Variants in FUT8 observed in about 807,000 individuals in gnomAD.
The protein encoded by FUT8 is fucosyltransferase 8.
A neutral mutation model predicts 71.3 loss-of-function variants in FUT8; 29 were observed. That is an observed-to-expected ratio of 0.41 (90% CI 0.30 to 0.55). The LOEUF (loss-of-function observed/expected upper bound fraction) is 0.55. Ranked by LOEUF, FUT8 falls within the 20% of genes least tolerant of loss-of-function variation. FUT8 has a pLI of 0.34. For synonymous variants in FUT8, 254 were observed against 239.3 expected (o/e 1.06, Z -0.57); for missense variants, 544 against 702.1 (o/e 0.77, Z 2.55).
At chr14:65,515,392 C>A (rs1422511142) in intron 2 of FUT8, among the ~76,000 whole-genome samples, 1 of 151,530 alleles carries the variant, frequency 6.6e-6, no homozygotes, top group African/African-American at 2.4e-5. Context: ...TGAAATAGCA[C>A]CTCTAGAAGG....
intron 6 of FUT8, among the ~76,000 whole-genome samples, chr14:65,631,431 T>G (rs1490337303): frequency 6.6e-6 from 1 of 152,164 alleles, no homozygotes; most frequent in Non-Finnish European, 1.5e-5. Context: ...AGTACTAATT[T>G]GATCCTCTAT....
intron 2 of FUT8, among the ~76,000 whole-genome samples, chr14:65,525,480 G>A (rs1040803973): frequency 6.6e-6 from 1 of 152,044 alleles, no homozygotes; most frequent in Admixed American, 6.6e-5. Context: ...CTTGCTAGTG[G>A]TCTATCAATT....
At chr14:65,544,483 TATATAC>T (rs1344942446) in intron 2 of FUT8, among the ~76,000 whole-genome samples, 1 of 152,142 alleles carries the variant, frequency 6.6e-6, no homozygotes, top group East Asian at 1.9e-4. Flanking sequence ...AATGGTGATA[TATATAC>T]ACATTTCATT....
At chr14:65,388,540 T>C in the FUT8 span, among the ~76,000 whole-genome samples, 1 of 152,124 alleles carries the variant, frequency 6.6e-6, no homozygotes, top group African/African-American at 2.4e-5. Context: ...GGCGGGCAGA[T>C]TGCCTGAGCT....
In FUT8 at chr14:65,599,122, A is replaced by G. The variant is rs570642658; in HGVS notation, c.204-16856A>G. On this transcript the variant is annotated intron_variant, in intron 3 of 10. Coordinates refer to ENST00000673929, the MANE Select transcript of FUT8 (RefSeq NM_001371533.1). ...TTTTTAATAAGTCTCTGAACATAAA[A>G]TTTAATTTCTGCCTGAGCCTTGTTT... Among the ~76,000 whole-genome samples, 24 of 152,332 alleles carry G rather than the reference A, an allele frequency of 1.6e-4. No homozygotes were observed. The South Asian group carries it at 4.6e-3, about 29-fold the overall frequency.
chr14:65,411,256 C>G (rs1042071136), upstream of FUT8: 6 of 151,468 alleles, frequency 4.0e-5, no homozygotes, highest in Admixed American at 1.3e-4. Context: ...TCTGTGTGAT[C>G]TTGGACAAGT....
At chr14:65,424,539 CTT>C (rs796843891) in intron 1 of FUT8, among the ~76,000 whole-genome samples, 38 of 125,376 alleles carry the variant, frequency 3.0e-4, no homozygotes, top group Non-Finnish European at 4.2e-4. Context: ...CTTTTCTTTT[CTT>C]TTTTTTTTTT....
At chr14:65,593,644 C>T (rs1304978377) in intron 3 of FUT8, among the ~76,000 whole-genome samples, 3 of 151,920 alleles carry the variant, frequency 2.0e-5, no homozygotes, top group Admixed American at 6.6e-5. Context: ...GGCACTATCT[C>T]GGCTCACCAC....
rs1253662209 is a variant in FUT8, at chr14:65,643,664, ATACACACACACACACAC to A, written c.597+14059_597+14075del. Among the ~76,000 whole-genome samples the A allele has an allele frequency of 3.6e-5, 3 of 82,438 alleles. No homozygotes were observed. The highest frequency in any genetic ancestry group is 2.8e-4 in the Admixed American group (2 of 7,134). The allele number at this position is 82,438 out of a possible 152,430, so 54.1% of individuals were successfully genotyped here. On this transcript the variant is annotated intron_variant, in intron 6 of 10. Transcript: ENST00000673929. This position sits in a 1 kb window ranked among gnomAD's most constrained non-coding sequence, Gnocchi z 4.5. ...GCGAGACTCCGTCTTTAAAAAAAAA[ATACACACACACACACAC>A]ACACACACACACACACACACACACA...
intron 2 of FUT8, among the ~76,000 whole-genome samples, chr14:65,537,477 T>TC (rs1424173669): frequency 1.3e-5 from 2 of 152,166 alleles, no homozygotes; most frequent in African/African-American, 4.8e-5. Context: ...AAGCTCCGCC[T>TC]CCCAGGTTCA....
At chr14:65,375,294 C>T in the FUT8 span, among the ~76,000 whole-genome samples, 4 of 152,210 alleles carry the variant, frequency 2.6e-5, no homozygotes, top group Non-Finnish European at 5.9e-5. Flanking sequence ...AGGCTGATCA[C>T]CATAGTTAAG....
At chr14:65,640,311 G>A (rs1890766810) in intron 6 of FUT8, among the ~76,000 whole-genome samples, 1 of 151,752 alleles carries the variant, frequency 6.6e-6, no homozygotes, top group African/African-American at 2.4e-5. Context: ...GTAAATACTA[G>A]AGCCAGTTTT....
intron 7 of FUT8, among the ~76,000 whole-genome samples, chr14:65,721,012 A>G (rs1221179865): frequency 6.6e-6 from 1 of 152,106 alleles, no homozygotes; most frequent in Non-Finnish European, 1.5e-5. Flanking sequence ...CGGCCACTGC[A>G]TGGGGGTGGA....
At chr14:65,378,163 A>C in the FUT8 span, among the ~76,000 whole-genome samples, 2 of 152,132 alleles carry the variant, frequency 1.3e-5, no homozygotes, top group African/African-American at 4.8e-5. Context: ...GCTGTATGAA[A>C]GAGTCTATAT....
At chr14:65,453,647 T>C (rs1382866559) in intron 1 of FUT8, among the ~76,000 whole-genome samples, 1 of 152,190 alleles carries the variant, frequency 6.6e-6, no homozygotes, top group Non-Finnish European at 1.5e-5. Flanking sequence ...GTCTCTGCTG[T>C]GGCTGGATGG....
At chr14:65,650,300 A>C (rs1488502292) in intron 6 of FUT8, among the ~76,000 whole-genome samples, 1 of 97,250 alleles carries the variant, frequency 1.0e-5, no homozygotes, top group African/African-American at 4.3e-5. Context: ...CTCTGTCTCA[A>C]AAAAAAAAAA....
chr14:65,374,610 T>C, the FUT8 span, among the ~76,000 whole-genome samples: 1 of 152,082 alleles, frequency 6.6e-6, no homozygotes, highest in Non-Finnish European at 1.5e-5. Flanking sequence ...TGTTTTTTTT[T>C]TTTTGATGGA....
intron 5 of FUT8, among the ~76,000 whole-genome samples, chr14:65,623,443 C>T (rs1395009022): frequency 4.6e-5 from 7 of 152,010 alleles, no homozygotes; most frequent in African/African-American, 7.2e-5. Flanking sequence ...CTTGGCGGGG[C>T]GCGGTGGCTC....
At chr14:65,482,898 A>G (rs1051368550) in intron 2 of FUT8, among the ~76,000 whole-genome samples, 16 of 152,102 alleles carry the variant, frequency 1.1e-4, no homozygotes, top group African/African-American at 3.6e-4. Context: ...GTAGCAACAC[A>G]CTCAGCTTCT....
Sources: allele counts gnomAD v4.1 joint callset (sites outside exome capture counted in the v4.1 genomes callset), GRCh38; gene constraint gnomAD v4.1.1; non-coding constraint Gnocchi (gnomAD v3.1); transcripts MANE v1.5; gene names NCBI Gene and HGNC (gene_info 2026-07-23, HGNC 2026-07-21).